MLIP: variants seen among roughly 807,000 people sequenced by gnomAD.
MLIP encodes muscular LMNA interacting protein.
Under a neutral mutation model 84.8 loss-of-function variants are expected in MLIP, and 79 were observed. The observed-to-expected ratio is 0.93, with a 90% CI of 0.78 to 1.12. The LOEUF (loss-of-function observed/expected upper bound fraction) is 1.12. MLIP is among the 50% of genes most tolerant of loss of function. The pLI is 0.00. For synonymous variants in MLIP, 504 were observed against 463.0 expected, an observed-to-expected ratio of 1.09 and a Z score of -1.14; for missense variants, 1,257 against 1,160.6, an observed-to-expected ratio of 1.08 and a Z score of -1.21.
chr6:54,166,951 G>T (rs1775258985), intron 8 of MLIP, among the ~76,000 whole-genome samples: 1 of 151,704 alleles, frequency 6.6e-6, no homozygotes, highest in Non-Finnish European at 1.5e-5. Flanking sequence ...TTTGCTCAAG[G>T]CCGAAAACTT....
At chr6:54,202,033 C>A (rs1257006864) in intron 10 of MLIP, 72 bp from the exon 11 acceptor site, 7 of 1,099,858 alleles carry the variant, frequency 6.4e-6, no homozygotes, top group South Asian at 2.6e-5. Context: ...AATGACTTAA[C>A]AATAAACATA....
At chr6:54,027,238 A>G (rs552851814) in intron 1 of MLIP, among the ~76,000 whole-genome samples, 1 of 152,300 alleles carries the variant, frequency 6.6e-6, no homozygotes, top group African/African-American at 2.4e-5. Context: ...ATGGGTAAAT[A>G]TTGTGAAATA....
At chr6:54,035,249 C>G (rs185169385) in intron 1 of MLIP, among the ~76,000 whole-genome samples, 2 of 152,202 alleles carry the variant, frequency 1.3e-5, no homozygotes, top group East Asian at 1.9e-4. Context: ...CTTTTTTTGA[C>G]TTAGCATCAC....
At chr6:54,233,285 C>T (rs1159538755) in intron 12 of MLIP, among the ~76,000 whole-genome samples, 1 of 152,032 alleles carries the variant, frequency 6.6e-6, no homozygotes, top group African/African-American at 2.4e-5. Context: ...CCCATCAACC[C>T]GTCATCTACA....
chr6:54,187,978 G>T (rs1289362565), intron 9 of MLIP, among the ~76,000 whole-genome samples: 1 of 152,224 alleles, frequency 6.6e-6, no homozygotes, highest in Non-Finnish European at 1.5e-5. Context: ...CTGCAATCCA[G>T]CCTGGTGACA....
intron 1 of MLIP, among the ~76,000 whole-genome samples, chr6:54,075,714 A>G (rs568623791): frequency 2.0e-5 from 3 of 152,212 alleles, no homozygotes; most frequent in Non-Finnish European, 4.4e-5. Context: ...ATCAGCTCAG[A>G]GATATCTCAC....
chr6:54,099,738 T>A (rs969499091), intron 1 of MLIP: 3 of 152,252 alleles, frequency 2.0e-5, no homozygotes, highest in South Asian at 2.1e-4. Context: ...AACAAAGACT[T>A]CTCAAAAAGT....
At chr6:54,109,107 CATAT>C (rs1029981664), upstream of MLIP, among the ~76,000 whole-genome samples, 1 of 149,988 alleles carries the variant, frequency 6.7e-6, no homozygotes, top group African/African-American at 2.4e-5. Flanking sequence ...TCAATAAATA[CATAT>C]ATATTTACAT....
Position 54,128,960 on chromosome 6 carries a change from CAT to C in MLIP, c.645+4096_645+4097del, listed in dbSNP as rs1245598554. On this transcript the variant is annotated intron_variant, in intron 3 of 13. Coordinates refer to ENST00000502396, the MANE Select transcript of MLIP (RefSeq NM_001281747.2). Reference sequence around the variant, plus strand: ...TGGAGGGGGGGCACAAAGTCAGGAACATGTGGAGAAGGAGAGTTTCACACCTT... The same window carrying C: ...TGGAGGGGGGGCACAAAGTCAGGAACGTGGAGAAGGAGAGTTTCACACCTT... Among the ~76,000 whole-genome samples the C allele has an allele frequency of 5.3e-5, 8 of 151,826 alleles. No homozygotes were observed. The East Asian group carries it at 1.6e-3, about 29-fold the overall frequency.
intron 11 of MLIP, among the ~76,000 whole-genome samples, chr6:54,226,669 A>G (rs1381883874): frequency 1.3e-5 from 2 of 151,456 alleles, no homozygotes; most frequent in African/African-American, 4.9e-5. Flanking sequence ...AACAAACAAA[A>G]CAGAGGAAAC....
chr6:54,126,556 A>G (rs1371557088), intron 3 of MLIP, among the ~76,000 whole-genome samples: 3 of 151,942 alleles, frequency 2.0e-5, no homozygotes, highest in Admixed American at 1.3e-4. Context: ...AATTATTTGA[A>G]CAATTACCAT....
chr6:54,039,256 G>A (rs1279874815), intron 1 of MLIP, among the ~76,000 whole-genome samples: 1 of 151,960 alleles, frequency 6.6e-6, no homozygotes, highest in Non-Finnish European at 1.5e-5. Context: ...AGAGAAAATG[G>A]AAATGTGTGA....
At chr6:54,168,801 C>T (rs1775460998) in intron 8 of MLIP, among the ~76,000 whole-genome samples, 1 of 148,492 alleles carries the variant, frequency 6.7e-6, no homozygotes, top group Non-Finnish European at 1.5e-5. Flanking sequence ...TTTTGCTTCT[C>T]AGATACAAGT....
chr6:54,089,199 T>C (rs553473762), intron 1 of MLIP, among the ~76,000 whole-genome samples: 1 of 152,286 alleles, frequency 6.6e-6, no homozygotes, highest in Admixed American at 6.5e-5. Context: ...AGACATTCTC[T>C]ACATATGTAG....
chr6:54,156,816 G>T (rs1365323123), intron 5 of MLIP, among the ~76,000 whole-genome samples: 1 of 151,984 alleles, frequency 6.6e-6, no homozygotes, highest in South Asian at 2.1e-4. Flanking sequence ...CATATTTTCT[G>T]TAGTCTAATA....
intron 1 of MLIP, chr6:54,063,246 G>T (rs1333074873): frequency 1.3e-5 from 2 of 150,016 alleles, no homozygotes; most frequent in Admixed American, 6.7e-5. Flanking sequence ...AGGTCAAATT[G>T]TAAGGTCTTT....
At chr6:54,201,796 T>G (rs1778697757) in intron 10 of MLIP, among the ~76,000 whole-genome samples, 3 of 152,168 alleles carry the variant, frequency 2.0e-5, no homozygotes, top group Admixed American at 2.0e-4. Flanking sequence ...AGACTCTCAA[T>G]AAATACTTAG....
chr6:54,196,245 T>C (rs968984553), intron 10 of MLIP, among the ~76,000 whole-genome samples: 1 of 152,162 alleles, frequency 6.6e-6, no homozygotes. Context: ...GTTTGTTACA[T>C]AGGTAAAAAT....
chr6:54,019,539 G>GT (rs1393165128), intron 1 of MLIP, among the ~76,000 whole-genome samples: 6 of 152,138 alleles, frequency 3.9e-5, no homozygotes, highest in Non-Finnish European at 7.4e-5. Context: ...TAAGGATAAA[G>GT]TTTTTTGCCA....
Sources: gnomAD v4.1 joint callset for allele counts (sites outside exome capture counted in the v4.1 genomes callset) on GRCh38, gnomAD v4.1.1 for gene constraint, MANE v1.5 for transcripts, NCBI Gene and HGNC (gene_info 2026-07-23, HGNC 2026-07-21) for gene names.